The following ARSK variants were observed in gnomAD, a reference collection of about 807,000 sequenced individuals.
The protein encoded by ARSK is arylsulfatase family member K.
Under a neutral mutation model 53.2 loss-of-function variants are expected in ARSK, and 37 were observed. The observed-to-expected ratio is 0.70, with a 90% CI of 0.54 to 0.92. The LOEUF is 0.92. Among genes scored for constraint, ARSK ranks in the 40% least tolerant of loss-of-function variants. The probability of loss-of-function intolerance (pLI) is 0.00; values close to 1 mark genes in which losing one functional copy is unlikely to be tolerated. For synonymous variants in ARSK, 208 were observed against 223.2 expected (o/e 0.93, Z 0.61); for missense variants, 613 against 643.0 (o/e 0.95, Z 0.51).
rs1484588138 is a variant in ARSK, at chr5:95,603,482, A to G, written c.1567A>G (p.Ile523Val). 13 of 1,612,824 alleles carry G rather than the reference A, an allele frequency of 8.1e-6. No homozygotes were observed. The highest frequency in any genetic ancestry group is 4.4e-5 in the South Asian group (4 of 90,526). Reference protein sequence around the residue: ...QKEPRKYENAIDQWLKTHMNP... With the variant: ...QKEPRKYENAVDQWLKTHMNP... ...GGAACCAAGGAAGTATGAAAATGCAATTGATCAGTGGCTTAAAACCCATAT... is the reference window on the plus strand; with the variant it reads ...GGAACCAAGGAAGTATGAAAATGCAGTTGATCAGTGGCTTAAAACCCATAT... The change falls in exon 8 of 8, where the codon ATT (isoleucine) becomes GTT (valine). Residue 523 changes from isoleucine (I) to valine (V), a missense_variant. Physicochemically the swap from Ile to Val is conservative, Grantham distance 29. Coordinates refer to ENST00000380009, the MANE Select transcript of ARSK (RefSeq NM_198150.3).
chr5:95,582,543 A>G (rs1167887200), intron 3 of ARSK, among the ~76,000 whole-genome samples: 1 of 152,168 alleles, frequency 6.6e-6, no homozygotes. Flanking sequence ...AAATTATAGT[A>G]GCTTTGGTTA....
chr5:95,560,092 A>G (rs1447028942), intron 1 of ARSK, among the ~76,000 whole-genome samples: 1 of 152,238 alleles, frequency 6.6e-6, no homozygotes, highest in African/African-American at 2.4e-5. Flanking sequence ...GTAACATCAG[A>G]ATGGATGAAA....
chr5:95,597,449 C>T (rs1749328466), intron 6 of ARSK, among the ~76,000 whole-genome samples: 1 of 152,186 alleles, frequency 6.6e-6, no homozygotes, highest in South Asian at 2.1e-4. Flanking sequence ...AGTTGGCTAA[C>T]TACAGTAAGG....
chr5:95,559,155 A>T (rs946527363), intron 1 of ARSK, among the ~76,000 whole-genome samples: 3 of 152,186 alleles, frequency 2.0e-5, no homozygotes, highest in Non-Finnish European at 4.4e-5. Context: ...AACAAAAACA[A>T]AAAAACAGTT....
chr5:95,557,417 AT>A (rs1365197505), intron 1 of ARSK, among the ~76,000 whole-genome samples: 1 of 152,172 alleles, frequency 6.6e-6, no homozygotes, highest in African/African-American at 2.4e-5. Context: ...TTTTTGTTTT[AT>A]GCCAAATATT....
intron 6 of ARSK, among the ~76,000 whole-genome samples, chr5:95,596,269 A>G (rs1237200896): frequency 6.6e-6 from 1 of 152,212 alleles, no homozygotes; most frequent in Non-Finnish European, 1.5e-5. Flanking sequence ...TTTTGATAAA[A>G]CATCTACAAA....
intron 6 of ARSK, among the ~76,000 whole-genome samples, chr5:95,592,523 C>A (rs1013512370): frequency 2.6e-5 from 4 of 152,066 alleles, no homozygotes; most frequent in Non-Finnish European, 2.9e-5. Context: ...TATAATTACA[C>A]ATACTTCTTT....
intron 5 of ARSK, among the ~76,000 whole-genome samples, 186 bp from the exon 6 acceptor site, chr5:95,591,215 A>G (rs1749209200): frequency 6.6e-6 from 1 of 152,168 alleles, no homozygotes; most frequent in Non-Finnish European, 1.5e-5. Context: ...TCCTCTAGTC[A>G]GCTGAAGAGC....
intron 3 of ARSK, among the ~76,000 whole-genome samples, chr5:95,582,222 A>G (rs1200789506): frequency 6.6e-6 from 1 of 152,166 alleles, no homozygotes; most frequent in Non-Finnish European, 1.5e-5. Context: ...AGCTACATAT[A>G]CTTAAGAGCT....
rs1428686233 is a variant in ARSK at position 95,604,687 on chromosome 5, C to T, written c.*1161C>T. 6.6e-6 allele frequency: 1 copy of T among 152,016 alleles called. No individual in the cohort carries two copies. The highest frequency in any genetic ancestry group is 1.9e-4 in the East Asian group (1 of 5,202). The allele number at this position is 152,016 out of a possible 1,614,324, so 9.4% of individuals were successfully genotyped here. A position where few individuals can be genotyped will look rare whatever the true frequency, so the allele number is the denominator to read the frequency against. On this transcript the variant is annotated 3_prime_UTR_variant, in exon 8 of 8. Coordinates refer to ENST00000380009, the MANE Select transcript of ARSK (RefSeq NM_198150.3). ...CACCATCAATGCATGTCTTCTTATC[C>T]TTTGCCAACCTAACAGATAAAAATG...
intron 1 of ARSK, among the ~76,000 whole-genome samples, chr5:95,559,986 C>A (rs535569242): frequency 2.0e-5 from 3 of 152,092 alleles, no homozygotes; most frequent in Non-Finnish European, 4.4e-5. Context: ...ATTAGTAAGG[C>A]TGTATACCAG....
At chr5:95,569,097 C>T (rs1748779823) in intron 3 of ARSK, among the ~76,000 whole-genome samples, 1 of 152,050 alleles carries the variant, frequency 6.6e-6, no homozygotes, top group South Asian at 2.1e-4. Context: ...TAGCCATGAG[C>T]GCAGCTGTAT....
Position 95,555,384 on chromosome 5 carries a change from C to G in ARSK, c.106C>G (p.Leu36Val). The change falls in exon 1 of 8, where the codon CTG (leucine) becomes GTG (valine). Residue 36 changes from leucine (L) to valine (V), a missense_variant. By Grantham distance (32) the Leu-to-Val change is conservative. Coordinates refer to ENST00000380009, the MANE Select transcript of ARSK (RefSeq NM_198150.3). The surrounding 1 kb of genome is among the most constrained non-coding windows in gnomAD (Gnocchi z 4.0). ...RRAAKAPNVV[L>V]VVSDSFDGRL... ...AGCAGCCAAAGCGCCCAATGTGGTG[C>G]TGGTCGTGAGCGACTCCTTCGTAAG... is the stretch of plus-strand genomic sequence containing the variant. The G allele has an allele frequency of 6.2e-7, 1 of 1,609,304 alleles. No individual in the cohort carries two copies. Among genetic ancestry groups the G allele is most frequent in the African/African-American group, 1.3e-5 (1 of 74,918 alleles).
chr5:95,567,304 T>A (rs1410093976), intron 2 of ARSK, among the ~76,000 whole-genome samples: 1 of 152,160 alleles, frequency 6.6e-6, no homozygotes, highest in Non-Finnish European at 1.5e-5. Context: ...TAATCCCCCA[T>A]CCCACCTCTC....
intron 4 of ARSK, among the ~76,000 whole-genome samples, chr5:95,585,775 C>G (rs1228269461): frequency 1.3e-5 from 2 of 152,104 alleles, no homozygotes; most frequent in Non-Finnish European, 2.9e-5. Flanking sequence ...AGAACTTATT[C>G]ATGCAACCAC....
chr5:95,580,270 C>G (rs1201306027), intron 3 of ARSK, among the ~76,000 whole-genome samples: 1 of 152,062 alleles, frequency 6.6e-6, no homozygotes, highest in Non-Finnish European at 1.5e-5. Flanking sequence ...TCAAAATACC[C>G]CCAGTGGTTA....
intron 3 of ARSK, chr5:95,580,837 C>T: frequency 2.9e-6 from 3 of 1,046,878 alleles, no homozygotes; most frequent in South Asian, 1.3e-5. Context: ...TCACTTTATA[C>T]TCATGTTCTT....
rs551640023 is a variant in ARSK, at chr5:95,591,205, T to C, written c.872-196T>C. On this transcript the variant is annotated intron_variant, in intron 5 of 7. Coordinates refer to ENST00000380009, the MANE Select transcript of ARSK (RefSeq NM_198150.3). ...TCCCATGGGTATTATATTTTCTTCT[T>C]CCTCTAGTCAGCTGAAGAGCAAGCA... Among the ~76,000 whole-genome samples, 4 of 152,256 alleles carry C rather than the reference T, an allele frequency of 2.6e-5. No homozygotes were observed. In the South Asian group the frequency reaches 8.3e-4, roughly 32 times the overall value.
chr5:95,567,532 C>T (rs1209585483), intron 2 of ARSK, among the ~76,000 whole-genome samples: 5 of 152,196 alleles, frequency 3.3e-5, no homozygotes, highest in Non-Finnish European at 5.9e-5. Flanking sequence ...GAGATCTGTA[C>T]TTCAATTGTC....
Sources: gnomAD v4.1 joint callset for allele counts (sites outside exome capture counted in the v4.1 genomes callset) on GRCh38, gnomAD v4.1.1 for gene constraint, Gnocchi (gnomAD v3.1) non-coding constraint, MANE v1.5 for transcripts, NCBI Gene and HGNC (gene_info 2026-07-23, HGNC 2026-07-21) for gene names.